CNTLN: variants seen among roughly 807,000 people sequenced by gnomAD.
CNTLN encodes the protein centlein, also known as centlein, centrosomal protein.
A neutral mutation model predicts 180.0 loss-of-function variants in CNTLN; 212 were observed. The ratio of observed to expected loss-of-function variants is 1.18; its 90% CI spans 1.05 to 1.32. The LOEUF is 1.32. Ranked by LOEUF, CNTLN falls within the 40% of genes most tolerant of loss-of-function variation. CNTLN has a pLI of 0.00. For missense variants in CNTLN, 2,095 were observed against 1,610.9 expected, an observed-to-expected ratio of 1.30 and a Z score of -5.14; for synonymous variants, 722 against 563.1, an observed-to-expected ratio of 1.28 and a Z score of -3.99.
At chr9:17,289,468 A>T in intron 6 of CNTLN, among the ~76,000 whole-genome samples, 1 of 133,514 alleles carries the variant, frequency 7.5e-6, no homozygotes, top group Non-Finnish European at 1.5e-5. Context: ...AACTTTGGTG[A>T]ATCTGACAAT....
Position 17,277,774 on chromosome 9 carries a change from A to G in CNTLN, c.983+3908A>G, listed in dbSNP as rs150694758. On this transcript the variant is annotated intron_variant, in intron 6 of 25. Coordinates refer to ENST00000380647, the MANE Select transcript of CNTLN (RefSeq NM_017738.4). ...AAGAATTTACAATATTACTGGAGGT[A>G]TGAAGTGCACATATAATGAAAAATG... Among the ~76,000 whole-genome samples, 44 of 152,238 alleles carry G rather than the reference A, an allele frequency of 2.9e-4. No individual in the cohort carries two copies. The East Asian group carries it at 7.4e-3, about 25-fold the overall frequency.
chr9:17,266,639 G>A (rs181159749), intron 5 of CNTLN, among the ~76,000 whole-genome samples: 2 of 152,090 alleles, frequency 1.3e-5, no homozygotes, highest in Admixed American at 6.6e-5. Flanking sequence ...ACGGTGGGAT[G>A]TTATAGTCTC....
rs372929448 is a variant in CNTLN at position 17,349,672 on chromosome 9, T to G, written c.1886+7228T>G. On this transcript the variant is annotated intron_variant, in intron 12 of 25. Transcript: ENST00000380647. ...CTTAAAAAACTTACATGGAATATAGTTCCTATAATATTTCATTTATATTTA... is the reference window on the plus strand; with the variant it reads ...CTTAAAAAACTTACATGGAATATAGGTCCTATAATATTTCATTTATATTTA... Among the ~76,000 whole-genome samples, 4 of 152,230 alleles carry G rather than the reference T, an allele frequency of 2.6e-5. No individual in the cohort carries two copies. The East Asian group carries it at 7.7e-4, about 29-fold the overall frequency.
chr9:17,431,544 CAT>C (rs1222544404), intron 18 of CNTLN, among the ~76,000 whole-genome samples: 2 of 152,038 alleles, frequency 1.3e-5, no homozygotes, highest in East Asian at 3.9e-4. Flanking sequence ...TTTAGCTTGA[CAT>C]AATCCCATTT....
chr9:17,305,863 A>G (rs1297449001), intron 7 of CNTLN, among the ~76,000 whole-genome samples: 5 of 152,202 alleles, frequency 3.3e-5, no homozygotes, highest in Admixed American at 2.0e-4. Flanking sequence ...ACAGGCAAGT[A>G]GGAGATGTAT....
In CNTLN at chr9:17,185,501, G is replaced by A. The variant is rs146162245; in HGVS notation, c.450-40702G>A. ...ATTGTCATTTGGCTCAGATCTTTCT[G>A]TGATTGCTTTTAAATATATGCTAAT... On this transcript the variant is annotated intron_variant, in intron 2 of 25. Coordinates refer to ENST00000380647, the MANE Select transcript of CNTLN (RefSeq NM_017738.4). Among the ~76,000 whole-genome samples the A allele has an allele frequency of 2.6e-3, 395 of 152,240 alleles. 5 individuals are homozygous for A. The highest frequency in any genetic ancestry group is 9.1e-3 in the African/African-American group (378 of 41,546).
intron 5 of CNTLN, among the ~76,000 whole-genome samples, chr9:17,271,280 G>T (rs918665704): frequency 5.3e-5 from 8 of 152,002 alleles, no homozygotes; most frequent in Non-Finnish European, 1.2e-4. Context: ...ATTTGTGGGG[G>T]CGCACCATAA....
At chr9:17,281,540 G>T (rs10962999) in intron 6 of CNTLN, among the ~76,000 whole-genome samples, 37,906 of 151,956 alleles carry the variant, frequency 0.25, 4,880 homozygotes, top group South Asian at 0.36. Flanking sequence ...TGCAGTGTTT[G>T]GTTTTGTGTT....
intron 18 of CNTLN, among the ~76,000 whole-genome samples, chr9:17,452,465 G>T (rs1332104391): frequency 6.6e-6 from 1 of 152,166 alleles, no homozygotes; most frequent in African/African-American, 2.4e-5. Context: ...AGGGGAATAC[G>T]GGGAGGGAAA....
intron 22 of CNTLN, 76 bp from the exon 23 acceptor site, chr9:17,466,630 A>C: frequency 1.7e-6 from 2 of 1,152,436 alleles, no homozygotes; most frequent in South Asian, 3.0e-5. Flanking sequence ...TATTTTCCTT[A>C]TTTGACATGT....
rs568869808 is a variant in CNTLN at position 17,465,415 on chromosome 9, A to G, written c.3532-566A>G. On this transcript the variant is annotated intron_variant, in intron 21 of 25. Transcript: ENST00000380647. ...TCAATTTTGCTATTTTTTAACTTCA[A>G]TAATAATTTCATACATAGCCTTGGA... 1.3e-4 allele frequency among the ~76,000 whole-genome samples: 19 copies of G among 150,790 alleles called. No homozygotes were observed. The East Asian group carries it at 3.7e-3, about 29-fold the overall frequency.
intron 2 of CNTLN, among the ~76,000 whole-genome samples, chr9:17,192,829 C>A (rs759951166): frequency 6.6e-6 from 1 of 152,042 alleles, no homozygotes; most frequent in Non-Finnish European, 1.5e-5. Context: ...TAAATTGATT[C>A]AAGGAAAAGA....
intron 2 of CNTLN, among the ~76,000 whole-genome samples, chr9:17,163,073 A>C (rs1325499152): frequency 2.6e-5 from 4 of 152,222 alleles, no homozygotes; most frequent in African/African-American, 9.6e-5. Context: ...GAGCAAAGTC[A>C]CATCTTACAT....
At chr9:17,301,427 CTG>C (rs1315386624) in intron 7 of CNTLN, 1 of 985,256 alleles carries the variant, frequency 1.0e-6, no homozygotes, top group Non-Finnish European at 1.2e-6. Flanking sequence ...AGAGAACAAA[CTG>C]AGATGTGCTA....
chr9:17,334,917 A>T (rs1421107679), intron 10 of CNTLN, among the ~76,000 whole-genome samples: 3 of 151,796 alleles, frequency 2.0e-5, no homozygotes, highest in Admixed American at 6.6e-5. Flanking sequence ...AATTAAAAAA[A>T]AAAAAAAAAA....
At chr9:17,283,048 T>G (rs1419720729) in intron 6 of CNTLN, among the ~76,000 whole-genome samples, 1 of 152,198 alleles carries the variant, frequency 6.6e-6, no homozygotes, top group African/African-American at 2.4e-5. Flanking sequence ...TTCTTTTCGC[T>G]TAGGATTGTC....
intron 8 of CNTLN, among the ~76,000 whole-genome samples, chr9:17,319,813 G>T (rs1489637361): frequency 6.6e-6 from 1 of 151,918 alleles, no homozygotes; most frequent in Non-Finnish European, 1.5e-5. Flanking sequence ...TTATATTGGT[G>T]GGGATTTATC....
chr9:17,322,796 T>C (rs978727122), intron 8 of CNTLN, among the ~76,000 whole-genome samples: 1 of 152,114 alleles, frequency 6.6e-6, no homozygotes, highest in Admixed American at 6.6e-5. Context: ...CTGCTAGGCT[T>C]TACTTTCTAA....
chr9:17,501,441 G>A (rs1231696233), intron 25 of CNTLN, among the ~76,000 whole-genome samples: 3 of 152,196 alleles, frequency 2.0e-5, no homozygotes, highest in African/African-American at 7.2e-5. Context: ...TACTACCACA[G>A]CTAGTCTTTT....
Sources: gnomAD v4.1 joint callset for allele counts (sites outside exome capture counted in the v4.1 genomes callset) on GRCh38, gnomAD v4.1.1 for gene constraint, MANE v1.5 for transcripts, NCBI Gene and HGNC (gene_info 2026-07-23, HGNC 2026-07-21) for gene names.